The following ATP2C1 variants were observed in gnomAD, a reference collection of about 807,000 sequenced individuals.
ATP2C1 encodes the protein calcium-transporting ATPase type 2C member 1.
A neutral mutation model predicts 120.5 loss-of-function variants in ATP2C1; 31 were observed. The ratio of observed to expected loss-of-function variants is 0.26; its 90% CI spans 0.19 to 0.35. The LOEUF is 0.35. Among genes scored for constraint, ATP2C1 ranks in the 10% least tolerant of loss-of-function variants. ATP2C1 has a pLI of 1.00. For synonymous variants in ATP2C1, 351 were observed against 358.7 expected, an observed-to-expected ratio of 0.98 and a Z score of 0.24; for missense variants, 731 against 1,107.5, an observed-to-expected ratio of 0.66 and a Z score of 4.83.
Position 130,997,589 on chromosome 3 carries a change from TTC to T in ATP2C1, c.2244-15_2244-14del. The T allele has an allele frequency of 6.2e-7, 1 of 1,611,446 alleles. No homozygotes were observed. Among genetic ancestry groups the T allele is most frequent in the Non-Finnish European group, 8.5e-7 (1 of 1,178,842 alleles). On this transcript the variant is annotated splice_polypyrimidine_tract_variant and intron_variant, in intron 24 of 27. Transcript: ENST00000510168. The stretch of plus-strand genomic sequence containing the variant: ...CTTAAAACTTGAAAGTAATTTATTT[TTC>T]TGTTTGTTTTTAAGCCTTGGAGTAG...
At chr3:130,985,788 C>T (rs1331261236) in intron 20 of ATP2C1, among the ~76,000 whole-genome samples, 3 of 152,070 alleles carry the variant, frequency 2.0e-5, no homozygotes, top group Admixed American at 6.5e-5. Flanking sequence ...CTGACTTTCA[C>T]GATCATTAAC....
rs2685178 is a variant in ATP2C1, at chr3:130,932,252, T to C, written c.234+114T>C. ...ATGGAGAAAGGAAATAATTTTTAGA[T>C]GTTTTTTACCTAAAATTTTTCATTT... is the stretch of plus-strand genomic sequence containing the variant. On this transcript the variant is annotated intron_variant, in intron 4 of 27. Coordinates refer to ENST00000510168, the MANE Select transcript of ATP2C1 (RefSeq NM_001378687.1). 0.17 allele frequency: 129,742 copies of C among 743,456 alleles called. 12,195 individuals are homozygous for C. Among genetic ancestry groups the C allele is most frequent in the Middle Eastern group, 0.22 (806 of 3,724 alleles). 46.1% of individuals were successfully genotyped at this position (743,456 alleles called of 1,614,324 possible). A position where few individuals can be genotyped will look rare whatever the true frequency, so the allele number is the denominator to read the frequency against.
intron 20 of ATP2C1, among the ~76,000 whole-genome samples, chr3:130,985,549 C>T (rs1447990029): frequency 1.3e-5 from 2 of 151,908 alleles, no homozygotes; most frequent in African/African-American, 2.4e-5. Flanking sequence ...GCAGGAGAAT[C>T]GCTTGAACCC....
At position 131,002,457 on chromosome 3, in the gene ATP2C1, G is replaced by A. The variant is rs1360982556; in HGVS notation, c.*1107G>A. 2 of 985,212 alleles carry A rather than the reference G, an allele frequency of 2.0e-6. No homozygotes were observed. The highest frequency in any genetic ancestry group is 4.7e-5 in the South Asian group (1 of 21,284). 61.0% of individuals were successfully genotyped at this position (985,212 alleles called of 1,614,324 possible). On this transcript the variant is annotated 3_prime_UTR_variant, in exon 28 of 28. Coordinates refer to ENST00000510168, the MANE Select transcript of ATP2C1 (RefSeq NM_001378687.1). ...TTGGCCTAGATTTTAGCACAAACCT[G>A]AGTATATCTCTTCTACTTTCATCAT...
At chr3:130,944,999 G>A (rs1045103613) in intron 8 of ATP2C1, among the ~76,000 whole-genome samples, 6 of 152,006 alleles carry the variant, frequency 3.9e-5, no homozygotes, top group African/African-American at 7.3e-5. Flanking sequence ...TTAAAAGTTC[G>A]TATTTTTTTT....
chr3:131,015,958 ATT>A (rs1222492930), intron 26 of ATP2C1: 2 of 774,532 alleles, frequency 2.6e-6, no homozygotes, highest in South Asian at 3.0e-5. Flanking sequence ...TATGGAAATA[ATT>A]TAATATTTTT....
chr3:130,941,038 C>G (rs927142073), intron 7 of ATP2C1, among the ~76,000 whole-genome samples: 6 of 150,802 alleles, frequency 4.0e-5, no homozygotes, highest in African/African-American at 1.5e-4. Context: ...CCTCAGCCTC[C>G]TGAGTAGCTG....
intron 26 of ATP2C1, chr3:131,015,917 T>G (rs2063603880): frequency 1.5e-6 from 1 of 659,610 alleles, no homozygotes; most frequent in African/African-American, 1.8e-5. Context: ...TTTTTAAAAT[T>G]GGATTGAATC....
chr3:130,889,834 C>G (rs1264701227), upstream of ATP2C1, among the ~76,000 whole-genome samples: 1 of 151,890 alleles, frequency 6.6e-6, no homozygotes, highest in East Asian at 1.9e-4. Flanking sequence ...TCTGTAAAGA[C>G]AGGATCTCAC....
chr3:130,954,939 G>A, intron 9 of ATP2C1, 73 bp from the exon 10 acceptor site: 1 of 1,009,220 alleles, frequency 9.9e-7, no homozygotes, highest in South Asian at 1.3e-5. Flanking sequence ...GAAAGTTGTT[G>A]GATGTGTGTG....
At chr3:130,931,820 C>G (rs975247941) in intron 3 of ATP2C1, among the ~76,000 whole-genome samples, 2 of 152,086 alleles carry the variant, frequency 1.3e-5, no homozygotes, top group Non-Finnish European at 2.9e-5. Context: ...GAAAGCTCCC[C>G]CATGTCCCTT....
chr3:130,910,844 T>G (rs368309811), intron 2 of ATP2C1, among the ~76,000 whole-genome samples: 43 of 76,304 alleles, frequency 5.6e-4, no homozygotes, highest in African/African-American at 1.5e-3. Context: ...GCTGGATTCG[T>G]TTTGCCAGTA....
chr3:130,953,830 C>G lies in ATP2C1; in HGVS notation c.541C>G (p.Leu181Val). The G allele has an allele frequency of 1.9e-6, 3 of 1,614,020 alleles. No homozygotes were observed. Among genetic ancestry groups the G allele is most frequent in the Non-Finnish European group, 2.5e-6 (3 of 1,179,940 alleles). ...CTTTATGTTCCCTAAGGCTGTGGAT[C>G]TTTCCATTGATGAGTCCAGCTTGAC... Reference protein sequence around the residue: ...ADLRLFEAVDLSIDESSLTGE... With the variant: ...ADLRLFEAVDVSIDESSLTGE... Residue 181 changes from leucine (L) to valine (V), a missense_variant, in exon 9 of 28, where the codon CTT becomes GTT. By Grantham distance (32) the Leu-to-Val change is conservative. Coordinates refer to ENST00000510168, the MANE Select transcript of ATP2C1 (RefSeq NM_001378687.1).
chr3:130,959,589 T>C (rs1482228319), intron 12 of ATP2C1: 1 of 225,076 alleles, frequency 4.4e-6, no homozygotes, highest in Non-Finnish European at 8.9e-6. Flanking sequence ...TTTTTATATA[T>C]AAATATACAA....
chr3:130,915,977 G>A (rs1389430645), intron 2 of ATP2C1, among the ~76,000 whole-genome samples: 2 of 152,180 alleles, frequency 1.3e-5, no homozygotes, highest in East Asian at 3.8e-4. Context: ...TATGTGAAGG[G>A]CAGCATTACT....
At chr3:130,903,360 A>G (rs188858735) in intron 2 of ATP2C1, among the ~76,000 whole-genome samples, 22 of 152,174 alleles carry the variant, frequency 1.4e-4, no homozygotes, top group African/African-American at 5.3e-4. Context: ...GCTTTAAATG[A>G]TATTAAATTG....
chr3:130,935,782 A>G, intron 5 of ATP2C1, among the ~76,000 whole-genome samples: 1 of 152,248 alleles, frequency 6.6e-6, no homozygotes, highest in East Asian at 1.9e-4. Context: ...AATGTTCTTG[A>G]TAAAGCAGTA....
At chr3:130,945,115 C>A (rs1269461687) in intron 8 of ATP2C1, among the ~76,000 whole-genome samples, 1 of 152,050 alleles carries the variant, frequency 6.6e-6, no homozygotes, top group African/African-American at 2.4e-5. Context: ...GTGGCCTTTC[C>A]AGCAGGAGCC....
At position 130,994,007 on chromosome 3, in the gene ATP2C1, G is replaced by A; in HGVS notation, c.1966G>A (p.Asp656Asn). The A allele has an allele frequency of 6.2e-7, 1 of 1,614,188 alleles. No individual in the cohort carries two copies. The highest frequency in any genetic ancestry group is 8.5e-7 in the Non-Finnish European group (1 of 1,180,026). Residue 656 changes from aspartate to asparagine, a missense_variant, in exon 22 of 28, where the codon GAC becomes AAC. This residue lies in a region of ATP2C1 where 571 missense variants were observed against 845.9 expected (regional missense o/e 0.67). Transcript: ENST00000510168. ...TGATGCAGTTGCTCTGAAGGCTGCA[G>A]ACATTGGAGTTGCGATGGGCCAGAC... ...VNDAVALKAA[D>N]IGVAMGQTGT...
Sources: allele counts gnomAD v4.1 joint callset (sites outside exome capture counted in the v4.1 genomes callset), GRCh38; gene constraint gnomAD v4.1.1; regional missense constraint gnomAD v4.1.1; transcripts MANE v1.5; gene names NCBI Gene and HGNC (gene_info 2026-07-23, HGNC 2026-07-21).